Variants in CNTN4 observed in about 807,000 individuals in gnomAD.
The protein encoded by CNTN4 is contactin-4.
Under a neutral mutation model 122.5 loss-of-function variants are expected in CNTN4, and 77 were observed. The ratio of observed to expected loss-of-function variants is 0.63; its 90% CI spans 0.52 to 0.76. CNTN4 has a LOEUF of 0.76. Ranked by LOEUF, CNTN4 falls within the 30% of genes least tolerant of loss-of-function variation. The pLI, the probability that CNTN4 is intolerant of heterozygous loss-of-function variation, is 0.00. For synonymous variants in CNTN4, 512 were observed against 447.0 expected (o/e 1.15, Z -1.83); for missense variants, 1,256 against 1,259.1 (o/e 1.00, Z 0.04).
At chr3:2,815,156 C>T (rs2092698606) in intron 6 of CNTN4, among the ~76,000 whole-genome samples, 1 of 152,136 alleles carries the variant, frequency 6.6e-6, no homozygotes, top group Non-Finnish European at 1.5e-5. Flanking sequence ...CATTGGAAAA[C>T]CCTTCTGGAC....
At chr3:2,915,967 C>G (rs2094349282) in intron 12 of CNTN4, among the ~76,000 whole-genome samples, 1 of 152,182 alleles carries the variant, frequency 6.6e-6, no homozygotes. Flanking sequence ...TGTGAGATGT[C>G]TAACATAGTC....
At chr3:2,448,994 T>A (rs535594307) in intron 3 of CNTN4, among the ~76,000 whole-genome samples, 1 of 152,282 alleles carries the variant, frequency 6.6e-6, no homozygotes, top group Non-Finnish European at 1.5e-5. Flanking sequence ...GTAACTTTTT[T>A]TTATTATTAC....
chr3:2,860,252 G>T (rs1342287941), intron 7 of CNTN4, among the ~76,000 whole-genome samples: 1 of 152,300 alleles, frequency 6.6e-6, no homozygotes, highest in East Asian at 1.9e-4. Flanking sequence ...AAATTGATTG[G>T]AGGTAATTGC....
chr3:2,881,438 G>A (rs555843651), intron 8 of CNTN4, among the ~76,000 whole-genome samples: 14 of 152,030 alleles, frequency 9.2e-5, no homozygotes, highest in South Asian at 8.3e-4. Context: ...GCTTGAACCC[G>A]GGAGGCGGAG....
At chr3:2,737,165 C>T (rs964520092) in intron 5 of CNTN4, among the ~76,000 whole-genome samples, 1 of 152,008 alleles carries the variant, frequency 6.6e-6, no homozygotes, top group Non-Finnish European at 1.5e-5. Context: ...ACTACAACCT[C>T]CCCCTCCCGG....
intron 18 of CNTN4, among the ~76,000 whole-genome samples, chr3:3,038,443 G>A (rs961292083): frequency 6.6e-6 from 1 of 152,082 alleles, no homozygotes. Flanking sequence ...CGCTACTCCG[G>A]AACGCCCCCC....
chr3:2,287,663 A>G (rs991948035), intron 2 of CNTN4, among the ~76,000 whole-genome samples: 638 of 42,786 alleles, frequency 0.015, 10 homozygotes, highest in African/African-American at 0.046. Context: ...AAGAAGAAGA[A>G]GAAGAAGAAG....
chr3:3,035,542 T>C (rs1468077789), intron 17 of CNTN4, among the ~76,000 whole-genome samples: 1 of 152,096 alleles, frequency 6.6e-6, no homozygotes, highest in African/African-American at 2.4e-5. Flanking sequence ...CAGAGGATTA[T>C]AGGGAGCCTC....
chr3:2,227,445 T>G (rs2039330403), intron 2 of CNTN4, among the ~76,000 whole-genome samples: 1 of 152,184 alleles, frequency 6.6e-6, no homozygotes, highest in African/African-American at 2.4e-5. Context: ...TCCTTTTTCA[T>G]TTTGCACATA....
intron 3 of CNTN4, among the ~76,000 whole-genome samples, chr3:2,380,235 C>T (rs1313747829): frequency 6.6e-6 from 1 of 152,152 alleles, no homozygotes. Flanking sequence ...CAAAGCAGCC[C>T]TTCCTTTTTA....
intron 14 of CNTN4, chr3:3,008,872 T>A: frequency 1.2e-6 from 1 of 836,476 alleles, no homozygotes; most frequent in Non-Finnish European, 1.4e-6. Context: ...CATTCGGGTT[T>A]CCCATTGTCC....
chr3:2,341,049 C>T (rs547685441), intron 3 of CNTN4, among the ~76,000 whole-genome samples: 1 of 152,212 alleles, frequency 6.6e-6, no homozygotes, highest in Admixed American at 6.5e-5. Context: ...CAACATTATT[C>T]CAAGATACTC....
intron 3 of CNTN4, among the ~76,000 whole-genome samples, chr3:2,553,470 A>C (rs2078598095): frequency 6.6e-6 from 1 of 152,214 alleles, no homozygotes; most frequent in South Asian, 2.1e-4. Flanking sequence ...TTAAAACTCT[A>C]GTCAAAGGAC....
At chr3:2,220,657 GA>G (rs2039026551) in intron 2 of CNTN4, among the ~76,000 whole-genome samples, 1 of 151,900 alleles carries the variant, frequency 6.6e-6, no homozygotes, top group South Asian at 2.1e-4. Flanking sequence ...TTGATCATCT[GA>G]AAAAAGGAAA....
intron 4 of CNTN4, among the ~76,000 whole-genome samples, chr3:2,594,718 C>A (rs2080680421): frequency 6.6e-6 from 1 of 152,056 alleles, no homozygotes; most frequent in South Asian, 2.1e-4. Flanking sequence ...CCGCACTGGC[C>A]AACAAAATGG....
At chr3:2,242,951 T>G (rs1342622971) in intron 2 of CNTN4, among the ~76,000 whole-genome samples, 1 of 152,134 alleles carries the variant, frequency 6.6e-6, no homozygotes, top group Non-Finnish European at 1.5e-5. Context: ...GATGGAAAAT[T>G]TGAAGGCTCT....
intron 2 of CNTN4, among the ~76,000 whole-genome samples, chr3:2,115,266 C>T (rs539246384): frequency 6.6e-6 from 1 of 152,162 alleles, no homozygotes; most frequent in African/African-American, 2.4e-5. Flanking sequence ...GTGTCCTGGC[C>T]CCACTGAACA....
chr3:3,005,206 A>T (rs1696498410), intron 14 of CNTN4, among the ~76,000 whole-genome samples: 1 of 152,204 alleles, frequency 6.6e-6, no homozygotes, highest in Non-Finnish European at 1.5e-5. Context: ...CTTACCCAAA[A>T]ATCACTTGGC....
rs149612177 is a variant in CNTN4 at position 2,405,572 on chromosome 3, C to T, written c.-89+66339C>T. On this transcript the variant is annotated intron_variant, in intron 3 of 24. Coordinates refer to ENST00000418658, the MANE Select transcript of CNTN4 (RefSeq NM_175607.3). ...ACCCATAGAATAAAATAGATATATG[C>T]GAACCCATACTGTTATAGATAGGTA... 3.1e-3 allele frequency among the ~76,000 whole-genome samples: 454 copies of T among 148,330 alleles called. 4 individuals are homozygous for T. The highest frequency in any genetic ancestry group is 1.0e-2 in the African/African-American group (401 of 40,278).
Sources: allele counts gnomAD v4.1 joint callset (sites outside exome capture counted in the v4.1 genomes callset), GRCh38; gene constraint gnomAD v4.1.1; transcripts MANE v1.5; gene names NCBI Gene and HGNC (gene_info 2026-07-23, HGNC 2026-07-21).